The following SLC20A2 variants were observed in gnomAD, a reference collection of about 807,000 sequenced individuals.
SLC20A2 encodes the protein solute carrier family 20 member 2, also known as sodium-dependent phosphate transporter 2.
In SLC20A2, 30 loss-of-function variants were observed where a neutral mutation model predicts 61.0. That is an observed-to-expected ratio of 0.49 (90% confidence interval 0.37 to 0.67). The LOEUF is 0.67. Among genes scored for constraint, SLC20A2 ranks in the 30% least tolerant of loss-of-function variants. The pLI, the probability that SLC20A2 is intolerant of heterozygous loss-of-function variation, is 0.00. For missense variants in SLC20A2, 626 were observed against 866.4 expected, an observed-to-expected ratio of 0.72 and a Z score of 3.48; for synonymous variants, 351 against 353.3, an observed-to-expected ratio of 0.99 and a Z score of 0.07.
At chr8:42,487,678 T>G (rs900840878) in intron 1 of SLC20A2, among the ~76,000 whole-genome samples, 31 of 152,224 alleles carry the variant, frequency 2.0e-4, no homozygotes, top group African/African-American at 7.5e-4. Flanking sequence ...CTTGTCATCT[T>G]GGTTATTATA....
At chr8:42,519,324 G>C (rs1448896318) in intron 1 of SLC20A2, among the ~76,000 whole-genome samples, 1 of 142,816 alleles carries the variant, frequency 7.0e-6, no homozygotes, top group African/African-American at 2.6e-5. Flanking sequence ...TGTGCCTGTA[G>C]TCCCAGCTAC....
chr8:42,418,129 T>C (rs1802797054), intron 10 of SLC20A2, among the ~76,000 whole-genome samples, 162 bp from the exon 11 acceptor site: 1 of 152,222 alleles, frequency 6.6e-6, no homozygotes, highest in Admixed American at 6.5e-5. Context: ...GTAGAATTGT[T>C]TGGGGATTCT....
chr8:42,508,734 G>A (rs750210047), intron 1 of SLC20A2, among the ~76,000 whole-genome samples: 3 of 152,150 alleles, frequency 2.0e-5, no homozygotes, highest in Non-Finnish European at 4.4e-5. Context: ...GCTCTCAACA[G>A]TAGCAGGAGT....
chr8:42,467,882 G>A (rs977158718), intron 2 of SLC20A2, among the ~76,000 whole-genome samples: 3 of 151,990 alleles, frequency 2.0e-5, no homozygotes, highest in Admixed American at 1.3e-4. Context: ...TTCATAGCAC[G>A]GATTCATAGC....
At chr8:42,476,281 T>C (rs1188239648) in intron 1 of SLC20A2, among the ~76,000 whole-genome samples, 1 of 151,792 alleles carries the variant, frequency 6.6e-6, no homozygotes, top group Admixed American at 6.6e-5. Context: ...TAAATTTTAT[T>C]TTTAGTAGAG....
intron 5 of SLC20A2, among the ~76,000 whole-genome samples, chr8:42,449,633 CTTA>C (rs944563045): frequency 1.3e-5 from 2 of 152,218 alleles, no homozygotes; most frequent in Non-Finnish European, 2.9e-5. Flanking sequence ...AATCTTCCTT[CTTA>C]TTGACTCAAT....
intron 1 of SLC20A2, among the ~76,000 whole-genome samples, chr8:42,476,004 T>TA (rs1427289503): frequency 6.6e-6 from 1 of 152,020 alleles, no homozygotes; most frequent in Non-Finnish European, 1.5e-5. Flanking sequence ...GCATTGTTTT[T>TA]AGTTTTGCTT....
chr8:42,510,602 G>A (rs2131372922), intron 1 of SLC20A2, among the ~76,000 whole-genome samples: 1 of 152,232 alleles, frequency 6.6e-6, no homozygotes, highest in East Asian at 1.9e-4. Flanking sequence ...TTTAGGTAAG[G>A]ATTACCCTAC....
At chr8:42,464,221 C>T (rs1806966210) in intron 3 of SLC20A2, among the ~76,000 whole-genome samples, 1 of 148,386 alleles carries the variant, frequency 6.7e-6, no homozygotes, top group Non-Finnish European at 1.5e-5. Flanking sequence ...GATCCTCCCA[C>T]CTCAGCCTCC....
At chr8:42,464,752 T>C (rs1021871364) in intron 3 of SLC20A2, among the ~76,000 whole-genome samples, 2 of 152,036 alleles carry the variant, frequency 1.3e-5, no homozygotes, top group Non-Finnish European at 2.9e-5. Context: ...GCAGGTGGAT[T>C]GACTGAGCTC....
At chr8:42,471,247 C>A (rs150603386) in intron 2 of SLC20A2, 1 of 455,896 alleles carries the variant, frequency 2.2e-6, no homozygotes, top group Non-Finnish European at 4.4e-6. Context: ...ACTTAACACA[C>A]GCCTGCCGGG....
intron 2 of SLC20A2, among the ~76,000 whole-genome samples, chr8:42,466,381 C>T (rs752716673): frequency 6.6e-6 from 1 of 152,082 alleles, no homozygotes; most frequent in East Asian, 1.9e-4. Context: ...GCATTGTGTC[C>T]GGCCAGATTA....
intron 5 of SLC20A2, among the ~76,000 whole-genome samples, chr8:42,448,094 A>G (rs1162799681): frequency 6.6e-6 from 1 of 152,182 alleles, no homozygotes; most frequent in Non-Finnish European, 1.5e-5. Context: ...GTTCTTGCCA[A>G]CTCGAATGGT....
chr8:42,449,582 C>G (rs1016205380), intron 5 of SLC20A2, among the ~76,000 whole-genome samples: 6 of 152,222 alleles, frequency 3.9e-5, no homozygotes, highest in Non-Finnish European at 7.3e-5. Context: ...AGGCTTTAGT[C>G]TATATCAGTT....
At chr8:42,431,940 A>T (rs1393380390) in intron 8 of SLC20A2, among the ~76,000 whole-genome samples, 1 of 152,262 alleles carries the variant, frequency 6.6e-6, no homozygotes, top group Non-Finnish European at 1.5e-5. Flanking sequence ...GCACTTGGTC[A>T]CCAGAGAGCT....
chr8:42,457,303 T>C (rs1420550579), intron 5 of SLC20A2, among the ~76,000 whole-genome samples: 1 of 152,086 alleles, frequency 6.6e-6, no homozygotes, highest in Non-Finnish European at 1.5e-5. Flanking sequence ...CCATGAATTA[T>C]ATAACCTAAA....
Position 42,421,527 on chromosome 8 carries a change from G to A in SLC20A2, c.1795-3560C>T, listed in dbSNP as rs575201887. ...GTTTTAGAAATACTGAATATCGGCCGGGTGCGGTGGCTCATGCCTGTAATC... is the reference window on the plus strand; with the variant it reads ...GTTTTAGAAATACTGAATATCGGCCAGGTGCGGTGGCTCATGCCTGTAATC... On this transcript the variant is annotated intron_variant, in intron 10 of 10. Coordinates refer to ENST00000520262, the MANE Select transcript of SLC20A2 (RefSeq NM_001257180.2). 2.4e-4 allele frequency among the ~76,000 whole-genome samples: 37 copies of A among 152,264 alleles called. No individual in the cohort carries two copies. In the South Asian group the frequency reaches 3.7e-3, roughly 15 times the overall value.
intron 1 of SLC20A2, among the ~76,000 whole-genome samples, chr8:42,526,723 T>C (rs1228460096): frequency 6.6e-6 from 1 of 151,280 alleles, no homozygotes; most frequent in Non-Finnish European, 1.5e-5. Flanking sequence ...CTGAATAAAG[T>C]ATGAAATTTT....
Position 42,451,317 on chromosome 8 carries a change from GAGGAGGAAGAGATGGAGA to G in SLC20A2, c.614-6573_614-6556del, listed in dbSNP as rs1366649154. Reference sequence around the variant, plus strand: ...TGGAGGAGGAGGAAGAGATAAGGAGGAGGAGGAAGAGATGGAGAAGGAGGAAGAGATGGAGGAGGAGGA... The same window carrying G: ...TGGAGGAGGAGGAAGAGATAAGGAGGAGGAGGAAGAGATGGAGGAGGAGGA... On this transcript the variant is annotated intron_variant, in intron 5 of 10. Transcript: ENST00000520262. 7.2e-3 allele frequency among the ~76,000 whole-genome samples: 1,087 copies of G among 151,530 alleles called. 8 individuals are homozygous for G. The highest frequency in any genetic ancestry group is 0.025 in the African/African-American group (1,010 of 41,208).
Sources: allele counts gnomAD v4.1 joint callset (sites outside exome capture counted in the v4.1 genomes callset), GRCh38; gene constraint gnomAD v4.1.1; transcripts MANE v1.5; gene names NCBI Gene and HGNC (gene_info 2026-07-23, HGNC 2026-07-21).